The following ASXL2 variants were observed in gnomAD, a reference collection of about 807,000 sequenced individuals.
ASXL2 encodes putative Polycomb group protein ASXL2.
A neutral mutation model predicts 122.0 loss-of-function variants in ASXL2; 23 were observed. The observed-to-expected ratio is 0.19, with a 90% CI of 0.14 to 0.27. The LOEUF is 0.27. Ranked by LOEUF, ASXL2 falls within the 10% of genes least tolerant of loss-of-function variation. The probability of loss-of-function intolerance (pLI) is 1.00; values close to 1 mark genes in which losing one functional copy is unlikely to be tolerated. For missense variants in ASXL2, 1,518 were observed against 1,713.8 expected (o/e 0.89, Z 2.02); for synonymous variants, 650 against 637.0 (o/e 1.02, Z -0.31).
At chr2:25,834,546 A>G (rs890336658) in intron 3 of ASXL2, among the ~76,000 whole-genome samples, 1 of 152,216 alleles carries the variant, frequency 6.6e-6, no homozygotes, top group African/African-American at 2.4e-5. Flanking sequence ...GACTACAAAT[A>G]TAACTAGAGT....
At chr2:25,857,152 A>G (rs1338400988) in intron 1 of ASXL2, among the ~76,000 whole-genome samples, 1 of 151,100 alleles carries the variant, frequency 6.6e-6, no homozygotes, top group African/African-American at 2.4e-5. Flanking sequence ...GCTCTTTCCA[A>G]TATGTGGTAA....
chr2:25,839,825 T>C (rs1393089913), intron 2 of ASXL2, among the ~76,000 whole-genome samples: 3 of 151,700 alleles, frequency 2.0e-5, no homozygotes, highest in South Asian at 4.2e-4. Flanking sequence ...GAGGTACTAA[T>C]AATACCTCAT....
At chr2:25,762,237 C>T (rs1230849756) in intron 8 of ASXL2, among the ~76,000 whole-genome samples, 1 of 137,010 alleles carries the variant, frequency 7.3e-6, no homozygotes, top group East Asian at 2.1e-4. Context: ...TCACTAACCA[C>T]TAAAAGAGAA....
chr2:25,785,311 C>A (rs1404747579), intron 5 of ASXL2, among the ~76,000 whole-genome samples: 12 of 152,080 alleles, frequency 7.9e-5, no homozygotes, highest in Non-Finnish European at 1.5e-5. Context: ...CTGCAACCTG[C>A]GCCTCCCAGC....
Position 25,739,884 on chromosome 2 carries a change from A to G in ASXL2, c.*2145T>C. The G allele has an allele frequency of 4.6e-6, 1 of 218,498 alleles. No individual in the cohort carries two copies. Among genetic ancestry groups the G allele is most frequent in the Admixed American group, 5.8e-5 (1 of 17,226 alleles). 13.5% of individuals were successfully genotyped at this position (218,498 alleles called of 1,614,324 possible). A position where few individuals can be genotyped will look rare whatever the true frequency, so the allele number is the denominator to read the frequency against. ...CTCAACCTCTTCCAGCATGCAGACC[A>G]GCCCTCGGCCCTGGCACTAAGGTGG... On this transcript the variant is annotated 3_prime_UTR_variant, in exon 13 of 13. Transcript: ENST00000435504.
chr2:25,862,072 G>A (rs1000050791), intron 1 of ASXL2, among the ~76,000 whole-genome samples: 2 of 152,106 alleles, frequency 1.3e-5, no homozygotes, highest in South Asian at 2.1e-4. Context: ...TTTGTGAAAC[G>A]GAGGAAACTT....
intron 9 of ASXL2, among the ~76,000 whole-genome samples, chr2:25,758,980 A>G (rs532446634): frequency 6.6e-6 from 1 of 150,632 alleles, no homozygotes; most frequent in African/African-American, 2.4e-5. Flanking sequence ...TTTGAGATGG[A>G]GTTTCACTCT....
chr2:25,863,493 C>G (rs1181979705), intron 1 of ASXL2, among the ~76,000 whole-genome samples: 7 of 150,640 alleles, frequency 4.6e-5, no homozygotes, highest in African/African-American at 1.7e-4. Flanking sequence ...CAGATCAAGA[C>G]CATCCTGGCT....
Position 25,767,724 on chromosome 2 carries a change from T to G in ASXL2, c.634A>C (p.Thr212Pro). ...ASDSVPAKPA[T>P]WEGKQSDGQT... ...CCATCAGATTGCTTTCCTTCCCATG[T>G]TGCTAGGAGAAAAAAATACGTATAA... is the stretch of plus-strand genomic sequence containing the variant. Residue 212 changes from threonine to proline, a missense_variant and splice_region_variant, in exon 8 of 13, where the codon ACA becomes CCA. Thr to Pro is a conservative substitution (Grantham distance 38). Transcript: ENST00000435504. 6.2e-7 allele frequency: 1 copy of G among 1,613,810 alleles called. No individual in the cohort carries two copies. The highest frequency in any genetic ancestry group is 8.5e-7 in the Non-Finnish European group (1 of 1,179,786).
chr2:25,782,170 A>T (rs1020698226), intron 5 of ASXL2, among the ~76,000 whole-genome samples: 3 of 151,954 alleles, frequency 2.0e-5, no homozygotes, highest in African/African-American at 7.3e-5. Flanking sequence ...CATCTGAAAA[A>T]ACAAAGTAGT....
Position 25,744,692 on chromosome 2 carries a change from G to A in ASXL2, c.1861-216C>T, listed in dbSNP as rs74690786. Among the ~76,000 whole-genome samples the A allele has an allele frequency of 6.8e-3, 1,041 of 152,184 alleles. 18 individuals carry two copies. The highest frequency in any genetic ancestry group is 0.024 in the African/African-American group (989 of 41,502). ...CACTTTTTCTATTGGTGCCAAAGAC[G>A]ACTGCTTCCACTCTCACCCCAAATC... On this transcript the variant is annotated intron_variant, in intron 12 of 12. Transcript: ENST00000435504. The surrounding 1 kb of genome is among the most constrained non-coding windows in gnomAD (Gnocchi z 4.7).
intron 4 of ASXL2, among the ~76,000 whole-genome samples, chr2:25,805,356 G>A (rs2089066043): frequency 6.6e-6 from 1 of 151,752 alleles, no homozygotes; most frequent in Middle Eastern, 3.4e-3. Flanking sequence ...TACAAATGTT[G>A]TGGGGCTCTC....
intron 3 of ASXL2, among the ~76,000 whole-genome samples, chr2:25,816,399 G>C (rs1320884881): frequency 5.9e-5 from 9 of 152,156 alleles, no homozygotes; most frequent in Non-Finnish European, 1.2e-4. Context: ...GTTACAGTAA[G>C]TGAAATATAT....
chr2:25,844,048 T>C (rs183353160), intron 2 of ASXL2, among the ~76,000 whole-genome samples: 75 of 152,138 alleles, frequency 4.9e-4, no homozygotes, highest in African/African-American at 1.6e-3. Flanking sequence ...CTAAATGCCA[T>C]TGTGTTCCCC....
intron 8 of ASXL2, among the ~76,000 whole-genome samples, chr2:25,762,840 C>G (rs974407955): frequency 5.9e-5 from 9 of 151,994 alleles, no homozygotes; most frequent in African/African-American, 2.2e-4. Context: ...GAAATTTCAG[C>G]TAGTTATATG....
At chr2:25,745,091 A>G (rs550964082) in intron 12 of ASXL2, among the ~76,000 whole-genome samples, 14 of 152,254 alleles carry the variant, frequency 9.2e-5, no homozygotes, top group Admixed American at 5.9e-4. Flanking sequence ...GAGTATGTAC[A>G]TAATGTTTGC....
chr2:25,845,692 A>G, intron 1 of ASXL2, 129 bp from the exon 2 acceptor site: 1 of 332,822 alleles, frequency 3.0e-6, no homozygotes, highest in Non-Finnish European at 5.2e-6. Context: ...ATACATATGC[A>G]ATTGTTTACT....
At chr2:25,760,479 C>T (rs374429474) in intron 8 of ASXL2, among the ~76,000 whole-genome samples, 2 of 152,020 alleles carry the variant, frequency 1.3e-5, no homozygotes, top group East Asian at 3.8e-4. Context: ...GGGGAAAAAG[C>T]AAAAAGCACT....
At position 25,741,550 on chromosome 2, in the gene ASXL2, C is replaced by T. The variant is rs141131150; in HGVS notation, c.*479G>A. 46 of 232,226 alleles carry T rather than the reference C, an allele frequency of 2.0e-4. No homozygotes were observed. In the East Asian group the frequency reaches 2.3e-3, roughly 12 times the overall value. 14.4% of individuals were successfully genotyped at this position (232,226 alleles called of 1,614,324 possible). A position where few individuals can be genotyped will look rare whatever the true frequency, so the allele number is the denominator to read the frequency against. ...GGCTGAATAATCTATGAATAACCTG[C>T]GGCCAGACTGTCCAGACAAAATCAG... On this transcript the variant is annotated 3_prime_UTR_variant, in exon 13 of 13. Transcript: ENST00000435504.
Sources: gnomAD v4.1 joint callset for allele counts (sites outside exome capture counted in the v4.1 genomes callset) on GRCh38, gnomAD v4.1.1 for gene constraint, Gnocchi (gnomAD v3.1) non-coding constraint, MANE v1.5 for transcripts, NCBI Gene and HGNC (gene_info 2026-07-23, HGNC 2026-07-21) for gene names.